Variants in MYOM1 observed in about 807,000 individuals in gnomAD.
MYOM1 encodes myomesin-1.
In MYOM1, 164 loss-of-function variants were observed where a neutral mutation model predicts 205.3. That is an observed-to-expected ratio of 0.80 (90% CI 0.70 to 0.91). The LOEUF is 0.91. Ranked by LOEUF, MYOM1 falls within the 40% of genes least tolerant of loss-of-function variation. The pLI is 0.00. For missense variants in MYOM1, 2,011 were observed against 2,127.3 expected, an observed-to-expected ratio of 0.95 and a Z score of 1.08; for synonymous variants, 772 against 789.4, an observed-to-expected ratio of 0.98 and a Z score of 0.37.
At chr18:3,168,761 T>A (rs996123205) in intron 9 of MYOM1, 56 bp downstream of exon 9, 1 of 1,572,540 alleles carries the variant, frequency 6.4e-7, no homozygotes, top group Admixed American at 1.7e-5. Context: ...AGATCTGCAA[T>A]CTGGTCTACA....
intron 2 of MYOM1, 106 bp downstream of exon 2, chr18:3,214,828 A>G: frequency 7.3e-7 from 1 of 1,361,378 alleles, no homozygotes; most frequent in Non-Finnish European, 9.7e-7. Flanking sequence ...CTCTGTCTCA[A>G]AAAACCAAAA....
intron 22 of MYOM1, among the ~76,000 whole-genome samples, chr18:3,104,745 C>CT (rs745369627): frequency 0.65 from 52,774 of 80,676 alleles, 19,606 homozygotes; most frequent in Admixed American, 0.73. Flanking sequence ...GAATTGGAAT[C>CT]TTTTTTTTTT....
At chr18:3,142,279 G>C (rs114313271) in intron 13 of MYOM1, among the ~76,000 whole-genome samples, 102 of 151,804 alleles carry the variant, frequency 6.7e-4, no homozygotes, top group Middle Eastern at 3.4e-3. Context: ...TTTTTGGAGG[G>C]GGGGAAGGGT....
At chr18:3,137,595 A>G (rs941317904) in intron 14 of MYOM1, among the ~76,000 whole-genome samples, 2 of 152,198 alleles carry the variant, frequency 1.3e-5, no homozygotes, top group African/African-American at 4.8e-5. Context: ...GTTCTCATTC[A>G]TATATGGGAG....
rs369493400 is a variant in MYOM1 at position 3,141,961 on chromosome 18, C to T, written c.2003G>A (p.Gly668Asp). 2.1e-4 allele frequency: 337 copies of T among 1,613,774 alleles called. 2 individuals carry two copies. Among genetic ancestry groups the T allele is most frequent in the South Asian group, 1.6e-3 (148 of 91,074 alleles). Residue 668 changes from glycine to aspartate, a missense_variant, in exon 14 of 38, where the codon GGC becomes GAC. Physicochemically the swap from Gly to Asp is moderately conservative, Grantham distance 94 (BLOSUM62 -1). Transcript: ENST00000356443. Reference protein sequence around the residue: ...WKPPGQRGHEGIMYFVEKCEA... With the variant: ...WKPPGQRGHEDIMYFVEKCEA... ...TACCTTTTCCACAAAGTACATAATG[C>T]CCTCATGACCACGCTGGCCAGGGGG... is the stretch of plus-strand genomic sequence containing the variant.
At chr18:3,246,707 G>T in the MYOM1 span, 1 of 152,330 alleles carries the variant, frequency 6.6e-6, no homozygotes, top group African/African-American at 2.4e-5. Flanking sequence ...TGAAGGCGAA[G>T]ACCACAGGGC....
At chr18:3,183,272 C>T (rs189326758) in intron 5 of MYOM1, among the ~76,000 whole-genome samples, 118 of 152,330 alleles carry the variant, frequency 7.7e-4, no homozygotes, top group African/African-American at 2.6e-3. Context: ...GACAGGCTCC[C>T]TGCTGCTGTC....
At chr18:3,208,973 A>G (rs2081159303) in intron 2 of MYOM1, among the ~76,000 whole-genome samples, 2 of 152,208 alleles carry the variant, frequency 1.3e-5, no homozygotes, top group Admixed American at 6.5e-5. Flanking sequence ...GTAACAGTCA[A>G]TTGGCTCAAT....
At chr18:3,124,617 C>T (rs549341657) in intron 19 of MYOM1, among the ~76,000 whole-genome samples, 57 of 152,226 alleles carry the variant, frequency 3.7e-4, no homozygotes, top group African/African-American at 1.3e-3. Context: ...GCGTGAGCCA[C>T]CGCGCCCGGC....
Position 3,193,357 on chromosome 18 carries a change from T to TACACACACACAC in MYOM1, c.431+460_431+461insGTGTGTGTGTGT, listed in dbSNP as rs1367330529. ...ATATATGTACATATACATATATATA[T>TACACACACACAC]ATATACACACACACACACACACACA... On this transcript the variant is annotated intron_variant, in intron 3 of 37. Coordinates refer to ENST00000356443, the MANE Select transcript of MYOM1 (RefSeq NM_003803.4). Among the ~76,000 whole-genome samples, 280 of 102,846 alleles carry TACACACACACAC rather than the reference T, an allele frequency of 2.7e-3. 1 individual carries two copies. The highest frequency in any genetic ancestry group is 5.6e-3 in the South Asian group (17 of 3,052). The allele number at this position is 102,846 out of a possible 152,430, so 67.5% of individuals were successfully genotyped here.
At chr18:3,232,190 T>C in the MYOM1 span, among the ~76,000 whole-genome samples, 20,964 of 150,440 alleles carry the variant, frequency 0.14, 2,091 homozygotes, top group African/African-American at 0.29. Flanking sequence ...ATTAGCGGGG[T>C]GTTGTGGCAC....
rs1295493389 is a variant in MYOM1 at position 3,219,886 on chromosome 18, G to C, written c.-112C>G. 1 of 152,286 alleles carries C rather than the reference G, an allele frequency of 6.6e-6. No individual in the cohort carries two copies. The highest frequency in any genetic ancestry group is 1.5e-5 in the Non-Finnish European group (1 of 68,090). The allele number at this position is 152,286 out of a possible 1,614,324, so 9.4% of individuals were successfully genotyped here. ...AGAGAATGAAGACTCCACCTAGGTT[G>C]AATCCAAGACAATGTTAAGAGGCAG... On this transcript the variant is annotated 5_prime_UTR_variant, in exon 1 of 38. Transcript: ENST00000356443. This position sits in a 1 kb window ranked among gnomAD's most constrained non-coding sequence, Gnocchi z 4.4.
At chr18:3,092,526 T>C (rs1479426120) in intron 26 of MYOM1, among the ~76,000 whole-genome samples, 1 of 152,010 alleles carries the variant, frequency 6.6e-6, no homozygotes, top group Non-Finnish European at 1.5e-5. Flanking sequence ...ATAGCCCTAT[T>C]AGACTATACT....
At chr18:3,125,422 G>A (rs1446531592) in intron 19 of MYOM1, among the ~76,000 whole-genome samples, 2 of 152,104 alleles carry the variant, frequency 1.3e-5, no homozygotes, top group Non-Finnish European at 2.9e-5. Context: ...GAAAAAGAAT[G>A]AGTTATAGCC....
At chr18:3,112,541 T>C in intron 21 of MYOM1, 129 bp from the exon 22 acceptor site, 2 of 581,420 alleles carry the variant, frequency 3.4e-6, no homozygotes, top group South Asian at 7.3e-5. Flanking sequence ...ACAAGACTTG[T>C]GGTCTAGATT....
chr18:3,084,418 GTC>G (rs777385792), intron 31 of MYOM1, among the ~76,000 whole-genome samples: 12 of 152,188 alleles, frequency 7.9e-5, no homozygotes, highest in Non-Finnish European at 1.8e-4. Flanking sequence ...AACCATGTAG[GTC>G]TCCTGGCCTT....
In MYOM1 at chr18:3,186,399, T is replaced by A. The variant is rs149083419; in HGVS notation, c.929+1081A>T. Among the ~76,000 whole-genome samples the A allele has an allele frequency of 5.0e-3, 754 of 152,068 alleles. 2 individuals are homozygous for A. The highest frequency in any genetic ancestry group is 7.5e-3 in the Non-Finnish European group (508 of 67,978). On this transcript the variant is annotated intron_variant, in intron 5 of 37. Coordinates refer to ENST00000356443, the MANE Select transcript of MYOM1 (RefSeq NM_003803.4). ...GTGCATTTACCACCACTCCTGAAAA[T>A]AAGAAAAAAGCATGCAAATACCTGC...
At chr18:3,093,626 C>T (rs2079257227) in intron 26 of MYOM1, 1 of 152,164 alleles carries the variant, frequency 6.6e-6, no homozygotes, top group African/African-American at 2.4e-5. Context: ...GCTGGAAAGA[C>T]TCCCCACCAC....
rs748669843 is a variant in MYOM1, at chr18:3,126,826, G to A, written c.2866C>T (p.Gln956Ter). The A allele has an allele frequency of 6.2e-7, 1 of 1,613,508 alleles. No homozygotes were observed. Among genetic ancestry groups the A allele is most frequent in the East Asian group, 2.2e-5 (1 of 44,888 alleles). ...TCTGCCCCTCCAATCTTATCTGGTT[G>A]CTTCCATCCAAGAACCATTGAGTCA... ...FRDSMVLGWK[Q>*]PDKIGGAEIT... The change falls in exon 19 of 38, where the codon CAA (glutamine) becomes TAA (stop). Residue 956 changes from glutamine to a stop codon, truncating the protein, a stop_gained. Coordinates refer to ENST00000356443, the MANE Select transcript of MYOM1 (RefSeq NM_003803.4). LOFTEE classifies it high-confidence loss of function.
Sources: allele counts gnomAD v4.1 joint callset (sites outside exome capture counted in the v4.1 genomes callset), GRCh38; gene constraint gnomAD v4.1.1; non-coding constraint Gnocchi (gnomAD v3.1); transcripts MANE v1.5; gene names NCBI Gene and HGNC (gene_info 2026-07-23, HGNC 2026-07-21).